The following LMOD1 variants were observed in gnomAD, a reference collection of about 807,000 sequenced individuals.
LMOD1 encodes the protein leiomodin 1.
LMOD1 carries 8 observed loss-of-function variants against 36.5 expected under a neutral mutation model. The observed-to-expected ratio is 0.22, with a 90% CI of 0.13 to 0.40. The LOEUF (loss-of-function observed/expected upper bound fraction) is 0.40, where lower values mean the gene tolerates loss of function less well. Ranked by LOEUF, LMOD1 falls within the 10% of genes least tolerant of loss-of-function variation. The probability of loss-of-function intolerance (pLI) is 1.00; values close to 1 mark genes in which losing one functional copy is unlikely to be tolerated. For synonymous variants in LMOD1, 284 were observed against 288.7 expected (o/e 0.98, Z 0.17); for missense variants, 630 against 751.1 (o/e 0.84, Z 1.88).
At chr1:201,912,005 G>A (rs187339594) in intron 1 of LMOD1, among the ~76,000 whole-genome samples, 2 of 152,318 alleles carry the variant, frequency 1.3e-5, no homozygotes, top group Admixed American at 1.3e-4. Context: ...TCCACAGGGG[G>A]TTTCTGGCAG....
At chr1:201,945,612 C>T (rs1682199289) in intron 1 of LMOD1, among the ~76,000 whole-genome samples, 1 of 152,088 alleles carries the variant, frequency 6.6e-6, no homozygotes, top group Non-Finnish European at 1.5e-5. Context: ...CGTGAGATGC[C>T]CATAGGGTTG....
chr1:201,932,559 C>T (rs1013891045), intron 1 of LMOD1, among the ~76,000 whole-genome samples: 1 of 151,872 alleles, frequency 6.6e-6, no homozygotes, highest in Admixed American at 6.6e-5. Flanking sequence ...CAAGACCAGC[C>T]TGGGCAACAT....
At chr1:201,927,175 A>C (rs1305015712) in intron 1 of LMOD1, among the ~76,000 whole-genome samples, 2 of 152,210 alleles carry the variant, frequency 1.3e-5, no homozygotes, top group Non-Finnish European at 2.9e-5. Flanking sequence ...AAGATTACAG[A>C]GACTGGAAGT....
chr1:201,936,484 G>T (rs1002322534), intron 1 of LMOD1, among the ~76,000 whole-genome samples: 1 of 152,066 alleles, frequency 6.6e-6, no homozygotes, highest in Admixed American at 6.5e-5. Context: ...TCTCCTCCAG[G>T]CTCCTTCCCC....
intron 1 of LMOD1, among the ~76,000 whole-genome samples, chr1:201,904,973 C>T (rs571679355): frequency 1.3e-5 from 2 of 152,306 alleles, no homozygotes; most frequent in African/African-American, 4.8e-5. Context: ...ATCCCGGTGA[C>T]CTCCAGAGGT....
chr1:201,921,826 G>A (rs543231763), intron 1 of LMOD1, among the ~76,000 whole-genome samples: 2 of 152,042 alleles, frequency 1.3e-5, no homozygotes, highest in Non-Finnish European at 2.9e-5. Flanking sequence ...CAGGCGTGGT[G>A]GTGGGCGCCT....
chr1:201,918,339 T>C (rs1681643586), intron 1 of LMOD1, among the ~76,000 whole-genome samples: 1 of 152,206 alleles, frequency 6.6e-6, no homozygotes, highest in Non-Finnish European at 1.5e-5. Flanking sequence ...CCCTGCCTCC[T>C]GTCTTCCTTC....
At chr1:201,923,910 A>G (rs1368766114) in intron 1 of LMOD1, among the ~76,000 whole-genome samples, 4 of 143,838 alleles carry the variant, frequency 2.8e-5, no homozygotes, top group South Asian at 4.5e-4. Context: ...AGAGGGAGGG[A>G]GAGAGAGAGA....
chr1:201,924,781 T>C (rs181276498), intron 1 of LMOD1, among the ~76,000 whole-genome samples: 94 of 152,000 alleles, frequency 6.2e-4, no homozygotes, highest in Middle Eastern at 3.4e-3. Flanking sequence ...TCGTAGCTAC[T>C]TGGGAGGCTG....
At chr1:201,910,185 C>A (rs1447411632) in intron 1 of LMOD1, among the ~76,000 whole-genome samples, 2 of 152,136 alleles carry the variant, frequency 1.3e-5, no homozygotes, top group East Asian at 3.8e-4. Context: ...GGGAGGAGCC[C>A]TTTTGGGCTG....
Position 201,899,141 on chromosome 1 carries a change from A to C in LMOD1, c.1776+96T>G, listed in dbSNP as rs919731757. On this transcript the variant is annotated intron_variant, in intron 2 of 2. Coordinates refer to ENST00000367288, the MANE Select transcript of LMOD1 (RefSeq NM_012134.3). This position sits in a 1 kb window ranked among gnomAD's most constrained non-coding sequence, Gnocchi z 6.3. ...GGAGTCTATATCATCTGCAGCCGAC[A>C]TAAGCTCCTCTGCATGCCTTCCCTT... The C allele has an allele frequency of 8.7e-7, 1 of 1,148,010 alleles. No homozygotes were observed. Among genetic ancestry groups the C allele is most frequent in the African/African-American group, 1.6e-5 (1 of 64,076 alleles). 71.1% of individuals were successfully genotyped at this position (1,148,010 alleles called of 1,614,324 possible).
At chr1:201,915,824 T>C (rs2819348) in intron 1 of LMOD1, among the ~76,000 whole-genome samples, 47,741 of 151,944 alleles carry the variant, frequency 0.31, 7,704 homozygotes, top group Non-Finnish European at 0.34. Flanking sequence ...CAACCTCCTC[T>C]CGGTTTCGCT....
At chr1:201,936,747 G>A (rs1361135404) in intron 1 of LMOD1, among the ~76,000 whole-genome samples, 1 of 152,098 alleles carries the variant, frequency 6.6e-6, no homozygotes, top group African/African-American at 2.4e-5. Context: ...GACCAGCCTG[G>A]CCAACATGGT....
At chr1:201,944,446 G>A (rs1343048609) in intron 1 of LMOD1, among the ~76,000 whole-genome samples, 1 of 152,176 alleles carries the variant, frequency 6.6e-6, no homozygotes, top group Admixed American at 6.6e-5. Context: ...CCTGCGACTG[G>A]GAGTGGGGAA....
At chr1:201,908,161 T>C (rs1681441327) in intron 1 of LMOD1, among the ~76,000 whole-genome samples, 1 of 152,218 alleles carries the variant, frequency 6.6e-6, no homozygotes, top group South Asian at 2.1e-4. Flanking sequence ...GGACTAGGTC[T>C]CAGCACCTGC....
intron 1 of LMOD1, 72 bp downstream of exon 1, chr1:201,946,008 T>C: frequency 6.8e-7 from 1 of 1,467,630 alleles, no homozygotes; most frequent in Non-Finnish European, 9.4e-7. Flanking sequence ...GAAGGAAGCA[T>C]CCTAATCATG....
chr1:201,900,548 G>T lies in LMOD1; in HGVS notation c.465C>A (p.Ile155=), dbSNP rs1254040158. The change falls in exon 2 of 3, where the codon ATC becomes ATA. Residue 155 remains isoleucine (I), a synonymous_variant. Transcript: ENST00000367288. Reference sequence around the variant, plus strand: ...TGACCCGGCCCTTGTCAATGCCCCGGATGATCTTCTCCTCCTTGGGCTTCT... The same window carrying T: ...TGACCCGGCCCTTGTCAATGCCCCGTATGATCTTCTCCTCCTTGGGCTTCT... ...SGEKPKEEKI[I]RGIDKGRVRA... 2 of 1,613,606 alleles carry T rather than the reference G, an allele frequency of 1.2e-6. No individual in the cohort carries two copies. Among genetic ancestry groups the T allele is most frequent in the South Asian group, 1.1e-5 (1 of 91,034 alleles).
intron 1 of LMOD1, among the ~76,000 whole-genome samples, chr1:201,930,453 G>T (rs1681898300): frequency 6.6e-6 from 1 of 152,126 alleles, no homozygotes; most frequent in African/African-American, 2.4e-5. Flanking sequence ...ACTGGGAGAG[G>T]GATTGGAGCA....
Position 201,898,219 on chromosome 1 carries a change from C to G in LMOD1, c.*153G>C. On this transcript the variant is annotated 3_prime_UTR_variant, in exon 3 of 3. Transcript: ENST00000367288. ...AAGTGAGAAGAGATAAGGCATCCTT[C>G]CTTGAGCGTGACCCAGGCCTGGACT... The G allele has an allele frequency of 1.3e-6, 1 of 752,076 alleles. No individual in the cohort carries two copies. The highest frequency in any genetic ancestry group is 1.6e-5 in the South Asian group (1 of 62,078). The allele number at this position is 752,076 out of a possible 1,614,324, so 46.6% of individuals were successfully genotyped here.
Sources: gnomAD v4.1 joint callset for allele counts (sites outside exome capture counted in the v4.1 genomes callset) on GRCh38, gnomAD v4.1.1 for gene constraint, Gnocchi (gnomAD v3.1) non-coding constraint, MANE v1.5 for transcripts, NCBI Gene and HGNC (gene_info 2026-07-23, HGNC 2026-07-21) for gene names.